The following RALGAPA2 variants were observed in gnomAD, a reference collection of about 807,000 sequenced individuals.
RALGAPA2 encodes Ral GTPase activating protein catalytic subunit alpha 2.
In RALGAPA2, 139 loss-of-function variants were observed where a neutral mutation model predicts 230.4. The observed-to-expected ratio is 0.60, with a 90% confidence interval of 0.53 to 0.69. The LOEUF (loss-of-function observed/expected upper bound fraction) is 0.69. RALGAPA2 is among the 30% of genes least tolerant of loss of function. The pLI, the probability that RALGAPA2 is intolerant of heterozygous loss-of-function variation, is 0.00. For synonymous variants in RALGAPA2, 847 were observed against 837.8 expected, an observed-to-expected ratio of 1.01 and a Z score of -0.19; for missense variants, 2,163 against 2,276.0, an observed-to-expected ratio of 0.95 and a Z score of 1.01.
intron 37 of RALGAPA2, among the ~76,000 whole-genome samples, chr20:20,417,354 G>A (rs983012802): frequency 2.0e-5 from 3 of 152,206 alleles, no homozygotes; most frequent in African/African-American, 7.2e-5. Flanking sequence ...AAATCAAGAC[G>A]ACAGCAGAGG....
chr20:20,591,282 G>A lies in RALGAPA2; in HGVS notation c.2236C>T (p.Pro746Ser), dbSNP rs769213259. The A allele has an allele frequency of 6.2e-7, 1 of 1,613,850 alleles. No individual in the cohort carries two copies. The highest frequency in any genetic ancestry group is 1.1e-5 in the South Asian group (1 of 91,082). ...VEECQQSENA[P>S]AAGSGHLTVG... Reference sequence around the variant, plus strand: ...GTGAGATGGCCAGATCCGGCTGCAGGTGCATTTTCTGACTGTTGACACTCC... The same window carrying A: ...GTGAGATGGCCAGATCCGGCTGCAGATGCATTTTCTGACTGTTGACACTCC... The change falls in exon 17 of 40, where the codon CCT becomes TCT. Residue 746 changes from proline (P) to serine (S), a missense_variant. Physicochemically the swap from Pro to Ser is moderately conservative, Grantham distance 74. Transcript: ENST00000202677.
chr20:20,705,842 T>C (rs1460259072), intron 1 of RALGAPA2, among the ~76,000 whole-genome samples: 1 of 152,186 alleles, frequency 6.6e-6, no homozygotes, highest in African/African-American at 2.4e-5. Flanking sequence ...CTAATTTTTG[T>C]ATTTTTACTA....
intron 28 of RALGAPA2, among the ~76,000 whole-genome samples, chr20:20,525,579 G>C (rs766884832): frequency 3.7e-4 from 56 of 152,302 alleles, no homozygotes; most frequent in Middle Eastern, 6.8e-3. Flanking sequence ...TCCTCGAAGA[G>C]TTACCACTGG....
chr20:20,635,174 A>G (rs1049945400), intron 9 of RALGAPA2, among the ~76,000 whole-genome samples: 1 of 152,152 alleles, frequency 6.6e-6, no homozygotes, highest in Non-Finnish European at 1.5e-5. Flanking sequence ...CACAACAGCT[A>G]TCTTCTCAAA....
chr20:20,651,409 T>C (rs1297001569), intron 4 of RALGAPA2, among the ~76,000 whole-genome samples: 1 of 152,374 alleles, frequency 6.6e-6, no homozygotes, highest in South Asian at 2.1e-4. Context: ...GAAATATTAT[T>C]CATTCTGACC....
chr20:20,599,197 T>C (rs1209358656), intron 16 of RALGAPA2, among the ~76,000 whole-genome samples: 2 of 152,208 alleles, frequency 1.3e-5, no homozygotes, highest in African/African-American at 4.8e-5. Flanking sequence ...AGAGGGCATA[T>C]CTGGCCTTCA....
At chr20:20,615,786 T>TGATA (rs11471633) in intron 13 of RALGAPA2, among the ~76,000 whole-genome samples, 2 of 152,178 alleles carry the variant, frequency 1.3e-5, no homozygotes, top group East Asian at 3.9e-4. Flanking sequence ...AAACTATGTT[T>TGATA]AACGTTTAAA....
intron 21 of RALGAPA2, 120 bp downstream of exon 21, chr20:20,572,755 G>T: frequency 1.2e-6 from 1 of 843,658 alleles, no homozygotes; most frequent in Non-Finnish European, 1.7e-6. Context: ...AATGGACTTT[G>T]TCTAAATGTA....
intron 23 of RALGAPA2, among the ~76,000 whole-genome samples, chr20:20,551,670 G>A (rs752433874): frequency 2.6e-5 from 4 of 152,112 alleles, no homozygotes; most frequent in Non-Finnish European, 5.9e-5. Flanking sequence ...TAAATGAATC[G>A]CTTTAATTGA....
At chr20:20,533,398 A>T (rs1007045671) in intron 26 of RALGAPA2, among the ~76,000 whole-genome samples, 1 of 152,176 alleles carries the variant, frequency 6.6e-6, no homozygotes, top group Admixed American at 6.5e-5. Flanking sequence ...CTCCTTAGAA[A>T]TAAAGAGTCA....
rs1391286985 is a variant in RALGAPA2, at chr20:20,462,013, A to G, written c.5495+10816T>C. ...TGTGCTGGAGAGTTTAAACAAGTGG[A>G]CAAGGCAGAGGGACAACATATTCTG... On this transcript the variant is annotated intron_variant, in intron 37 of 39. Transcript: ENST00000202677. Among the ~76,000 whole-genome samples, 4 of 152,316 alleles carry G rather than the reference A, an allele frequency of 2.6e-5. No homozygotes were observed. In the East Asian group the frequency reaches 7.7e-4, roughly 29 times the overall value.
intron 1 of RALGAPA2, among the ~76,000 whole-genome samples, chr20:20,698,886 CA>C (rs2069229988): frequency 6.6e-6 from 1 of 152,120 alleles, no homozygotes; most frequent in Non-Finnish European, 1.5e-5. Flanking sequence ...AAGATTGTTC[CA>C]AGTTACAGTC....
chr20:20,686,533 G>GA lies in RALGAPA2; in HGVS notation c.107-5733dup, dbSNP rs571303541. Among the ~76,000 whole-genome samples the GA allele has an allele frequency of 7.9e-3, 838 of 105,462 alleles. 3 individuals carry two copies. Among genetic ancestry groups the GA allele is most frequent in the African/African-American group, 0.015 (424 of 28,538 alleles). The allele number at this position is 105,462 out of a possible 152,430, so 69.2% of individuals were successfully genotyped here. A position where few individuals can be genotyped will look rare whatever the true frequency, so the allele number is the denominator to read the frequency against. On this transcript the variant is annotated intron_variant, in intron 1 of 39. Coordinates refer to ENST00000202677, the MANE Select transcript of RALGAPA2 (RefSeq NM_020343.4). ...GACGACAGAGTGAGACTACACCTCA[G>GA]AAAAAAAAAAAAAAAATAGGGCTAA...
At chr20:20,590,593 ACT>A (rs1378078675) in intron 17 of RALGAPA2, among the ~76,000 whole-genome samples, 1 of 152,236 alleles carries the variant, frequency 6.6e-6, no homozygotes, top group Non-Finnish European at 1.5e-5. Context: ...TCTATTCTTC[ACT>A]GTTTACAGGT....
chr20:20,672,045 C>G (rs941567802), intron 3 of RALGAPA2, among the ~76,000 whole-genome samples: 2 of 152,162 alleles, frequency 1.3e-5, no homozygotes, highest in Non-Finnish European at 2.9e-5. Context: ...GATGCCAACA[C>G]CAGCGCTAGG....
intron 14 of RALGAPA2, among the ~76,000 whole-genome samples, chr20:20,607,050 G>T (rs1370284577): frequency 6.6e-6 from 1 of 152,206 alleles, no homozygotes; most frequent in Non-Finnish European, 1.5e-5. Flanking sequence ...CACTTGTTAA[G>T]ATACCAGCTT....
At chr20:20,483,203 A>C (rs991280060) in intron 36 of RALGAPA2, among the ~76,000 whole-genome samples, 111 of 152,346 alleles carry the variant, frequency 7.3e-4, no homozygotes, top group African/African-American at 2.6e-3. Context: ...TTATACGTGG[A>C]GAGAAATACC....
intron 1 of RALGAPA2, among the ~76,000 whole-genome samples, chr20:20,693,373 T>G (rs1278446665): frequency 6.6e-6 from 1 of 152,228 alleles, no homozygotes; most frequent in Non-Finnish European, 1.5e-5. Context: ...GTGAGTTATA[T>G]TACATTTTAA....
At chr20:20,464,281 A>G (rs375586498) in intron 37 of RALGAPA2, among the ~76,000 whole-genome samples, 4 of 152,230 alleles carry the variant, frequency 2.6e-5, no homozygotes, top group Non-Finnish European at 4.4e-5. Context: ...TTGCATGCTC[A>G]GCCAAGGCCC....
Sources: allele counts gnomAD v4.1 joint callset (sites outside exome capture counted in the v4.1 genomes callset), GRCh38; gene constraint gnomAD v4.1.1; transcripts MANE v1.5; gene names NCBI Gene and HGNC (gene_info 2026-07-23, HGNC 2026-07-21).